KSR1: variants seen among roughly 807,000 people sequenced by gnomAD.
KSR1 encodes kinase suppressor of ras.
KSR1 carries 35 observed loss-of-function variants against 92.9 expected under a neutral mutation model. That is an observed-to-expected ratio of 0.38 (90% confidence interval 0.29 to 0.50). KSR1 has a LOEUF of 0.50. Among genes scored for constraint, KSR1 ranks in the 20% least tolerant of loss-of-function variants. The pLI is 0.94. For missense variants in KSR1, 972 were observed against 1,158.5 expected (o/e 0.84, Z 2.34); for synonymous variants, 467 against 472.6 (o/e 0.99, Z 0.15).
chr17:27,590,553 G>T (rs1360703913), intron 6 of KSR1, among the ~76,000 whole-genome samples: 1 of 152,224 alleles, frequency 6.6e-6, no homozygotes, highest in Non-Finnish European at 1.5e-5. Context: ...ACTCTTGATT[G>T]CTGCTGCCAA....
intron 1 of KSR1, among the ~76,000 whole-genome samples, chr17:27,526,018 T>TTTTCTTTTCTTTTCA (rs2070254443): frequency 1.0e-5 from 1 of 99,444 alleles, no homozygotes; most frequent in Non-Finnish European, 1.8e-5. Flanking sequence ...TTTTCTTTTC[T>TTTTCTTTTCTTTTCA]TTTCTTTTCT....
At chr17:27,601,171 G>A (rs2073543251) in intron 10 of KSR1, 189 bp from the exon 11 acceptor site, 2 of 589,670 alleles carry the variant, frequency 3.4e-6, no homozygotes, top group Non-Finnish European at 6.0e-6. Context: ...CTCCTGCCAG[G>A]GCCCATTTTC....
intron 10 of KSR1, among the ~76,000 whole-genome samples, chr17:27,599,011 C>T (rs1483845935): frequency 2.6e-5 from 4 of 152,218 alleles, no homozygotes; most frequent in African/African-American, 9.6e-5. Context: ...TGCTTCACAA[C>T]GGGGAAATGT....
chr17:27,616,022 A>G (rs951154882), intron 18 of KSR1, among the ~76,000 whole-genome samples: 1 of 152,190 alleles, frequency 6.6e-6, no homozygotes, highest in Non-Finnish European at 1.5e-5. Context: ...TTCTGGAAGC[A>G]TCTAGGATTT....
chr17:27,599,773 A>G (rs1347684620), intron 10 of KSR1, among the ~76,000 whole-genome samples: 1 of 152,188 alleles, frequency 6.6e-6, no homozygotes, highest in African/African-American at 2.4e-5. Context: ...CTCTTTTGTA[A>G]TAACACTTAG....
chr17:27,460,021 A>G (rs1217752533), intron 1 of KSR1, among the ~76,000 whole-genome samples: 2 of 152,128 alleles, frequency 1.3e-5, no homozygotes, highest in African/African-American at 2.4e-5. Flanking sequence ...CTCTAAATAT[A>G]AAGGGAGGGA....
intron 1 of KSR1, among the ~76,000 whole-genome samples, chr17:27,535,589 C>T (rs1314074865): frequency 1.3e-5 from 2 of 152,328 alleles, no homozygotes; most frequent in South Asian, 2.1e-4. Context: ...GATCAACAAT[C>T]GTGATCCTTC....
chr17:27,537,274 G>A (rs944886455), intron 1 of KSR1, among the ~76,000 whole-genome samples: 1 of 152,148 alleles, frequency 6.6e-6, no homozygotes, highest in African/African-American at 2.4e-5. Context: ...CTGTATTCCA[G>A]GTCTTATATA....
At chr17:27,588,961 C>T (rs1343863298) in intron 6 of KSR1, among the ~76,000 whole-genome samples, 1 of 152,194 alleles carries the variant, frequency 6.6e-6, no homozygotes, top group Non-Finnish European at 1.5e-5. Context: ...AAGGTTCTTG[C>T]TCCCCTCACC....
At position 27,559,974 on chromosome 17, in the gene KSR1, A is replaced by G. The variant is rs1342962457; in HGVS notation, c.372+9266A>G. Among the ~76,000 whole-genome samples the G allele has an allele frequency of 6.6e-6, 1 of 152,200 alleles. No individual in the cohort carries two copies. Among genetic ancestry groups the G allele is most frequent in the East Asian group, 1.9e-4 (1 of 5,196 alleles). Reference sequence around the variant, plus strand: ...GGCAGGAATTCCAAATGAACATTAGAATTGTTTAAAGGAAAATAAAACTAG... The same window carrying G: ...GGCAGGAATTCCAAATGAACATTAGGATTGTTTAAAGGAAAATAAAACTAG... On this transcript the variant is annotated intron_variant, in intron 2 of 20. Transcript: ENST00000644974. This position sits in a 1 kb window ranked among gnomAD's most constrained non-coding sequence, Gnocchi z 4.2.
chr17:27,487,582 C>CT (rs1332858052), intron 1 of KSR1, among the ~76,000 whole-genome samples: 38 of 67,846 alleles, frequency 5.6e-4, no homozygotes, highest in East Asian at 2.5e-3. Context: ...AACCCCATCT[C>CT]TTTTAAAAAA....
intron 7 of KSR1, 64 bp downstream of exon 7, chr17:27,590,958 T>A (rs2073147728): frequency 3.0e-6 from 3 of 1,008,206 alleles, no homozygotes; most frequent in Non-Finnish European, 4.5e-6. Context: ...TCAAATGCGC[T>A]TCCCTATGCT....
rs576452370 is a variant in KSR1, at chr17:27,458,975, G to C, written c.231+2101G>C. On this transcript the variant is annotated intron_variant, in intron 1 of 20. Coordinates refer to ENST00000644974, the MANE Select transcript of KSR1 (RefSeq NM_001394583.1). ...TGGGTGAAATCAAATGTTTGTGATT[G>C]TTTTTATACTACCCTGGTTTAAGAA... Among the ~76,000 whole-genome samples, 306 of 152,314 alleles carry C rather than the reference G, an allele frequency of 2.0e-3. 1 individual carries two copies. The highest frequency in any genetic ancestry group is 7.1e-3 in the African/African-American group (293 of 41,554).
intron 1 of KSR1, chr17:27,465,460 C>T (rs576555536): frequency 6.6e-6 from 1 of 152,138 alleles, no homozygotes; most frequent in East Asian, 1.9e-4. Flanking sequence ...ACGGACGTAT[C>T]GCTTGAGCTC....
At chr17:27,611,307 C>A in intron 17 of KSR1, 187 bp from the exon 18 acceptor site, 1 of 646,680 alleles carries the variant, frequency 1.5e-6, no homozygotes, top group Non-Finnish European at 2.6e-6. Flanking sequence ...AACGAGAGCA[C>A]AGGGCCCAGG....
chr17:27,492,231 A>C (rs191231089), intron 1 of KSR1, among the ~76,000 whole-genome samples: 67 of 152,326 alleles, frequency 4.4e-4, no homozygotes, highest in Non-Finnish European at 9.0e-4. Context: ...CTGTTCATTT[A>C]GAGGCTGTGG....
chr17:27,608,031 T>TG, intron 15 of KSR1, 21 bp downstream of exon 15: 1 of 1,564,136 alleles, frequency 6.4e-7, no homozygotes, highest in Non-Finnish European at 8.7e-7. Flanking sequence ...GCCCAGCTGC[T>TG]GGGGGTGGGT....
At chr17:27,506,415 G>A (rs11652997) in intron 1 of KSR1, among the ~76,000 whole-genome samples, 13,763 of 152,228 alleles carry the variant, frequency 0.09, 834 homozygotes, top group Admixed American at 0.2. Context: ...TTAACAAAGC[G>A]TAGTTTTTAT....
At chr17:27,602,511 G>C (rs2073602048) in intron 11 of KSR1, among the ~76,000 whole-genome samples, 1 of 152,164 alleles carries the variant, frequency 6.6e-6, no homozygotes, top group African/African-American at 2.4e-5. Context: ...AAGCAAACGT[G>C]GACACATTTT....
Sources: gnomAD v4.1 joint callset for allele counts (sites outside exome capture counted in the v4.1 genomes callset) on GRCh38, gnomAD v4.1.1 for gene constraint, Gnocchi (gnomAD v3.1) non-coding constraint, MANE v1.5 for transcripts, NCBI Gene and HGNC (gene_info 2026-07-23, HGNC 2026-07-21) for gene names.